Variants in STAMBPL1 observed in about 807,000 individuals in gnomAD.
The protein encoded by STAMBPL1 is STAM binding protein like 1.
STAMBPL1 carries 44 observed loss-of-function variants against 52.9 expected under a neutral mutation model. The observed-to-expected ratio is 0.83, with a 90% CI of 0.65 to 1.07. The LOEUF is 1.07. Ranked by LOEUF, STAMBPL1 falls within the 50% of genes least tolerant of loss-of-function variation. The probability of loss-of-function intolerance (pLI) is 0.00; values close to 1 mark genes in which losing one functional copy is unlikely to be tolerated. For synonymous variants in STAMBPL1, 164 were observed against 177.3 expected (o/e 0.92, Z 0.60); for missense variants, 511 against 520.8 (o/e 0.98, Z 0.18).
rs761297570 is a variant in STAMBPL1 at position 88,894,514 on chromosome 10, T to C, written c.-53-7142T>C. ...GCAAAATTAGAAATCATGTAGCACATTCACTGTAATCAGCAGGTGGTTCAC... is the reference window on the plus strand; with the variant it reads ...GCAAAATTAGAAATCATGTAGCACACTCACTGTAATCAGCAGGTGGTTCAC... On this transcript the variant is annotated intron_variant, in intron 1 of 10. Transcript: ENST00000371926. Among the ~76,000 whole-genome samples the C allele has an allele frequency of 9.2e-5, 14 of 152,202 alleles. 1 individual carries two copies. Among genetic ancestry groups the C allele is most frequent in the Non-Finnish European group, 1.5e-4 (10 of 68,020 alleles).
chr10:88,923,366 T>C lies in STAMBPL1; in HGVS notation c.*142T>C, dbSNP rs1466178137. The C allele has an allele frequency of 5.0e-6, 7 of 1,393,802 alleles. No homozygotes were observed. Among genetic ancestry groups the C allele is most frequent in the Non-Finnish European group, 6.5e-6 (7 of 1,079,390 alleles). 86.3% of individuals were successfully genotyped at this position (1,393,802 alleles called of 1,614,324 possible). ...TGACAAAGCTTGATATTTATTGCTG[T>C]TGCACATTTTAAAGTTTTCTTTTTG... On this transcript the variant is annotated 3_prime_UTR_variant, in exon 11 of 11. Coordinates refer to ENST00000371926, the MANE Select transcript of STAMBPL1 (RefSeq NM_020799.4).
chr10:88,883,494 C>G (rs1405611909), intron 1 of STAMBPL1, among the ~76,000 whole-genome samples: 2 of 152,194 alleles, frequency 1.3e-5, no homozygotes, highest in African/African-American at 4.8e-5. Context: ...TCAGAATGTT[C>G]AACTCAGGAA....
intron 5 of STAMBPL1, 151 bp from the exon 6 acceptor site, chr10:88,912,950 T>C (rs1452064584): frequency 4.3e-6 from 3 of 705,366 alleles, no homozygotes; most frequent in East Asian, 2.5e-5. Context: ...CCTGATGTTA[T>C]GTATTTCTCT....
At chr10:88,893,151 T>G (rs1844728516) in intron 1 of STAMBPL1, among the ~76,000 whole-genome samples, 1 of 152,154 alleles carries the variant, frequency 6.6e-6, no homozygotes, top group Non-Finnish European at 1.5e-5. Flanking sequence ...TATGAATTTG[T>G]GGTGAAAAAA....
At position 88,908,745 on chromosome 10, in the gene STAMBPL1, T is replaced by G. The variant is rs773241470; in HGVS notation, c.292T>G (p.Cys98Gly). 10 of 1,609,060 alleles carry G rather than the reference T, an allele frequency of 6.2e-6. No individual in the cohort carries two copies. The East Asian group carries it at 1.8e-4, about 29-fold the overall frequency. The stretch of plus-strand genomic sequence containing the variant: ...TCCTAACCATCGAGATTACCAGCAA[T>G]GTGCAGTACCTGAAAAGCAGGATAT... ...KLPNHRDYQQ[C>G]AVPEKQDIMK... The change falls in exon 4 of 11, where the codon TGT (cysteine) becomes GGT (glycine). Residue 98 changes from cysteine (C) to glycine (G), a missense_variant. By Grantham distance (159) the Cys-to-Gly change is radical. Around this residue, in one of 3 missense-constraint regions of STAMBPL1, gnomAD observed 358 missense variants for 343.5 expected, o/e 1.04. Transcript: ENST00000371926.
intron 5 of STAMBPL1, chr10:88,912,434 G>A (rs888019342): frequency 1.3e-5 from 2 of 152,132 alleles, no homozygotes; most frequent in African/African-American, 4.8e-5. Flanking sequence ...CAAAACTCTG[G>A]GTTAGTGGTG....
intron 3 of STAMBPL1, 59 bp from the exon 4 acceptor site, chr10:88,908,643 A>G: frequency 2.2e-6 from 3 of 1,374,672 alleles, no homozygotes; most frequent in Non-Finnish European, 3.1e-6. Flanking sequence ...CCCTTATTAG[A>G]AAGCATTATT....
intron 5 of STAMBPL1, 33 bp downstream of exon 5, chr10:88,911,044 AT>A (rs1242646875): frequency 1.5e-6 from 2 of 1,330,634 alleles, no homozygotes; most frequent in Non-Finnish European, 2.1e-6. Context: ...TTTCATGACT[AT>A]TTTATGTACA....
At chr10:88,912,024 T>C (rs115949181) in intron 5 of STAMBPL1, among the ~76,000 whole-genome samples, 1,769 of 152,206 alleles carry the variant, frequency 0.012, 39 homozygotes, top group African/African-American at 0.039. Context: ...TTGCCTTTGA[T>C]ACCAGTCACT....
At chr10:88,885,767 G>C (rs1364058845) in intron 1 of STAMBPL1, among the ~76,000 whole-genome samples, 3 of 152,184 alleles carry the variant, frequency 2.0e-5, no homozygotes, top group Non-Finnish European at 4.4e-5. Context: ...CTAATTATAA[G>C]AAGACAGATT....
chr10:88,905,506 G>T lies in STAMBPL1; in HGVS notation c.94G>T (p.Ala32Ser), dbSNP rs1347859739. 6.2e-7 allele frequency: 1 copy of T among 1,614,026 alleles called. No homozygotes were observed. The highest frequency in any genetic ancestry group is 8.5e-7 in the Non-Finnish European group (1 of 1,180,010). The stretch of plus-strand genomic sequence containing the variant: ...CCTAAGCCCAGAAGAGCGAGTCCGT[G>T]CCCTAAGCAAGCTTGGTTGTAATAT... ...VSLSPEERVR[A>S]LSKLGCNITI... Residue 32 changes from alanine (A) to serine (S), a missense_variant, in exon 3 of 11, where the codon GCC (alanine) becomes TCC (serine). Physicochemically the swap from Ala to Ser is moderately conservative, Grantham distance 99 (BLOSUM62 1). This residue lies in a region of STAMBPL1 where 358 missense variants were observed against 343.5 expected (regional missense o/e 1.04). Coordinates refer to ENST00000371926, the MANE Select transcript of STAMBPL1 (RefSeq NM_020799.4).
chr10:88,887,087 T>C (rs1844554324), intron 1 of STAMBPL1, among the ~76,000 whole-genome samples: 1 of 152,226 alleles, frequency 6.6e-6, no homozygotes, highest in Non-Finnish European at 1.5e-5. Flanking sequence ...TTCCACAAGA[T>C]AAGTTTTCTT....
rs956424744 is a variant in STAMBPL1, at chr10:88,922,491, A to G, written c.1254+55A>G. The G allele has an allele frequency of 2.0e-6, 3 of 1,528,184 alleles. No homozygotes were observed. The African/African-American group carries it at 4.1e-5, about 21-fold the overall frequency. 94.7% of individuals were successfully genotyped at this position (1,528,184 alleles called of 1,614,324 possible). On this transcript the variant is annotated intron_variant, in intron 10 of 10. Transcript: ENST00000371926. ...GGTATTTCTTGTTCACTGCCCCCCC[A>G]ATCTGTTTTTAAATAAATAGTAGCA... is the stretch of plus-strand genomic sequence containing the variant.
In STAMBPL1 at chr10:88,913,263, C is replaced by T. The variant is rs909404951; in HGVS notation, c.583C>T (p.Arg195Ter). ...GCAAGAGTTAGCCCGAGGTCAAATGCGAAGTCAGCAAACCTCAGGGCTGTC... is the reference window on the plus strand; with the variant it reads ...GCAAGAGTTAGCCCGAGGTCAAATGTGAAGTCAGCAAACCTCAGGGCTGTC... ...KKQELARGQM[R>*]SQQTSGLSEQ... The change falls in exon 6 of 11, where the codon CGA becomes TGA. Residue 195 changes from arginine to a stop codon, truncating the protein, a stop_gained. Coordinates refer to ENST00000371926, the MANE Select transcript of STAMBPL1 (RefSeq NM_020799.4). LOFTEE classifies it high-confidence loss of function. 6.2e-6 allele frequency: 10 copies of T among 1,613,700 alleles called. No homozygotes were observed. Among genetic ancestry groups the T allele is most frequent in the Non-Finnish European group, 5.9e-6 (7 of 1,179,858 alleles).
At position 88,914,525 on chromosome 10, in the gene STAMBPL1, G is replaced by C; in HGVS notation, c.779-9G>C. The C allele has an allele frequency of 1.4e-6, 2 of 1,476,494 alleles. No homozygotes were observed. The highest frequency in any genetic ancestry group is 1.8e-6 in the Non-Finnish European group (2 of 1,112,058). The allele number at this position is 1,476,494 out of a possible 1,614,324, so 91.5% of individuals were successfully genotyped here. On this transcript the variant is annotated splice_polypyrimidine_tract_variant and intron_variant, in intron 6 of 10. Coordinates refer to ENST00000371926, the MANE Select transcript of STAMBPL1 (RefSeq NM_020799.4). ...TTTTTTAGCCTTTTCTCCCTTTTTT[G>C]TTTCTTAGATTTAGTGGTTGAAGGA...
At chr10:88,914,241 T>C (rs1845310147) in intron 6 of STAMBPL1, among the ~76,000 whole-genome samples, 1 of 152,170 alleles carries the variant, frequency 6.6e-6, no homozygotes, top group African/African-American at 2.4e-5. Context: ...TAACCCTATA[T>C]TTGCTTCATG....
intron 1 of STAMBPL1, among the ~76,000 whole-genome samples, chr10:88,897,178 A>AT (rs1415990171): frequency 6.6e-5 from 10 of 152,160 alleles, no homozygotes; most frequent in African/African-American, 2.4e-4. Flanking sequence ...CAGGCCACTT[A>AT]TGGATGAGAC....
intron 7 of STAMBPL1, among the ~76,000 whole-genome samples, chr10:88,916,250 A>C (rs575783139): frequency 6.6e-6 from 1 of 152,080 alleles, no homozygotes; most frequent in South Asian, 2.1e-4. Context: ...CAACCCTAAG[A>C]AATGCCTTTT....
intron 1 of STAMBPL1, among the ~76,000 whole-genome samples, chr10:88,886,033 A>G (rs796118396): frequency 5.7e-4 from 87 of 152,380 alleles, no homozygotes; most frequent in African/African-American, 2.0e-3. Context: ...AGAAGGAGAG[A>G]TATATGTGTT....
Sources: gnomAD v4.1 joint callset for allele counts (sites outside exome capture counted in the v4.1 genomes callset) on GRCh38, gnomAD v4.1.1 for gene constraint, gnomAD v4.1.1 regional missense constraint, MANE v1.5 for transcripts, NCBI Gene and HGNC (gene_info 2026-07-23, HGNC 2026-07-21) for gene names.